STK32B: variants seen among roughly 807,000 people sequenced by gnomAD.
STK32B encodes serine/threonine-protein kinase 32B.
STK32B carries 43 observed loss-of-function variants against 52.6 expected under a neutral mutation model. The ratio of observed to expected loss-of-function variants is 0.82; its 90% CI spans 0.64 to 1.05. The LOEUF (loss-of-function observed/expected upper bound fraction) is 1.05. Among genes scored for constraint, STK32B ranks in the 50% least tolerant of loss-of-function variants. STK32B has a pLI of 0.00. For missense variants in STK32B, 621 were observed against 534.6 expected (o/e 1.16, Z -1.59); for synonymous variants, 238 against 204.3 (o/e 1.17, Z -1.41).
intron 6 of STK32B, among the ~76,000 whole-genome samples, chr4:5,445,306 G>A (rs1053806966): frequency 1.3e-5 from 2 of 152,168 alleles, no homozygotes; most frequent in Non-Finnish European, 1.5e-5. Flanking sequence ...TTTCCATGCC[G>A]AGTGAATGCC....
At chr4:5,345,740 T>G (rs1050368644) in intron 4 of STK32B, among the ~76,000 whole-genome samples, 1 of 152,216 alleles carries the variant, frequency 6.6e-6, no homozygotes, top group African/African-American at 2.4e-5. Context: ...TCTGATAACC[T>G]ATGGTAATCA....
At chr4:5,456,690 C>G (rs1197424890) in intron 7 of STK32B, 117 bp from the exon 8 acceptor site, 1 of 950,220 alleles carries the variant, frequency 1.1e-6, no homozygotes, top group East Asian at 2.8e-5. Flanking sequence ...AGAGAAGCAC[C>G]CACTGTTACT....
chr4:5,233,322 C>T (rs115348232), intron 3 of STK32B, among the ~76,000 whole-genome samples: 167 of 152,178 alleles, frequency 1.1e-3, no homozygotes, highest in African/African-American at 3.8e-3. Context: ...ATGGGATTGA[C>T]GTGTGCTGAG....
chr4:5,284,120 T>G (rs1311405719), intron 3 of STK32B, among the ~76,000 whole-genome samples: 1 of 152,136 alleles, frequency 6.6e-6, no homozygotes, highest in African/African-American at 2.4e-5. Flanking sequence ...ATGCATAAGT[T>G]TTTGTATGTG....
chr4:5,040,222 T>C, the STK32B span, among the ~76,000 whole-genome samples: 5 of 152,156 alleles, frequency 3.3e-5, no homozygotes, highest in African/African-American at 1.2e-4. Context: ...AGGTGTATGT[T>C]CTATTTGTAA....
At chr4:5,301,780 T>A (rs1267928005) in intron 3 of STK32B, among the ~76,000 whole-genome samples, 1 of 151,120 alleles carries the variant, frequency 6.6e-6, no homozygotes, top group African/African-American at 2.4e-5. Context: ...GTTTATCTTT[T>A]ATTTCATTGA....
intron 3 of STK32B, among the ~76,000 whole-genome samples, chr4:5,171,299 C>T (rs993399932): frequency 6.6e-6 from 1 of 152,008 alleles, no homozygotes; most frequent in African/African-American, 2.4e-5. Flanking sequence ...TGTGCAGAAG[C>T]TCTTTAGTTT....
intron 11 of STK32B, among the ~76,000 whole-genome samples, chr4:5,472,314 G>A (rs570409555): frequency 6.6e-6 from 1 of 152,356 alleles, no homozygotes; most frequent in East Asian, 1.9e-4. Flanking sequence ...GACAGGAGGA[G>A]GTGCCCTGGG....
At chr4:5,385,952 T>C (rs184929720) in intron 4 of STK32B, among the ~76,000 whole-genome samples, 1 of 12,722 alleles carries the variant, frequency 7.9e-5, no homozygotes, top group Admixed American at 9.4e-4. Context: ...CACTCACAGC[T>C]CCACCCACAG....
intron 4 of STK32B, among the ~76,000 whole-genome samples, chr4:5,356,085 C>G (rs1325090149): frequency 6.6e-6 from 1 of 152,156 alleles, no homozygotes; most frequent in East Asian, 1.9e-4. Flanking sequence ...CTGTGACCAC[C>G]TCCCTGGGCA....
rs146529464 is a variant in STK32B, at chr4:5,151,300, T to C, written c.108+11340T>C. 1.9e-3 allele frequency among the ~76,000 whole-genome samples: 295 copies of C among 152,304 alleles called. 1 individual carries two copies. Among genetic ancestry groups the C allele is most frequent in the Non-Finnish European group, 3.5e-3 (235 of 68,022 alleles). On this transcript the variant is annotated intron_variant, in intron 2 of 11. Coordinates refer to ENST00000282908, the MANE Select transcript of STK32B (RefSeq NM_018401.3). ...CCTTTCATAATAAATGCAGGTGAAG[T>C]CTACATGACTATTATTAAAGTTAAG...
intron 3 of STK32B, among the ~76,000 whole-genome samples, chr4:5,291,633 TTTTA>T (rs1220370387): frequency 3.3e-5 from 5 of 152,140 alleles, no homozygotes; most frequent in African/African-American, 9.7e-5. Context: ...TCTAGATGGC[TTTTA>T]TTTATTTCTC....
At chr4:5,098,877 A>G (rs1045344473) in intron 1 of STK32B, among the ~76,000 whole-genome samples, 10 of 152,346 alleles carry the variant, frequency 6.6e-5, no homozygotes, top group African/African-American at 2.4e-4. Flanking sequence ...TTCAGCATCT[A>G]TTGGAATATG....
chr4:5,320,868 T>C (rs1731440690), intron 3 of STK32B, among the ~76,000 whole-genome samples: 1 of 152,210 alleles, frequency 6.6e-6, no homozygotes, highest in South Asian at 2.1e-4. Context: ...TGCATTGTAA[T>C]TTTTCCCACT....
At chr4:5,260,873 C>T (rs1407599094) in intron 3 of STK32B, among the ~76,000 whole-genome samples, 1 of 152,130 alleles carries the variant, frequency 6.6e-6, no homozygotes, top group East Asian at 1.9e-4. Flanking sequence ...GAGGGAGTAG[C>T]TGGCCTTGGT....
intron 4 of STK32B, among the ~76,000 whole-genome samples, chr4:5,368,191 T>C (rs1317477907): frequency 6.6e-6 from 1 of 152,224 alleles, no homozygotes; most frequent in Non-Finnish European, 1.5e-5. Flanking sequence ...GTCCCAATAG[T>C]AATCACAATG....
rs956693362 is a variant in STK32B, at chr4:5,386,387, G to A, written c.435-11820G>A. Among the ~76,000 whole-genome samples, 7 of 152,276 alleles carry A rather than the reference G, an allele frequency of 4.6e-5. No homozygotes were observed. Among genetic ancestry groups the A allele is most frequent in the African/African-American group, 1.4e-4 (6 of 41,570 alleles). ...CAGGGTGGAAATGGTGGGCCAGAGG[G>A]AGGGGGAGTGGGAACCATGGTAGAA... is the stretch of plus-strand genomic sequence containing the variant. On this transcript the variant is annotated intron_variant, in intron 4 of 11. Coordinates refer to ENST00000282908, the MANE Select transcript of STK32B (RefSeq NM_018401.3). The surrounding 1 kb of genome is among the most constrained non-coding windows in gnomAD (Gnocchi z 4.5).
At chr4:5,392,557 C>G (rs1213631528) in intron 4 of STK32B, among the ~76,000 whole-genome samples, 1 of 151,856 alleles carries the variant, frequency 6.6e-6, no homozygotes, top group African/African-American at 2.4e-5. Context: ...TTCATTTCCC[C>G]ACCCACAGAG....
At chr4:5,020,938 A>G in the STK32B span, among the ~76,000 whole-genome samples, 1 of 152,234 alleles carries the variant, frequency 6.6e-6, no homozygotes, top group South Asian at 2.1e-4. Context: ...CTATGTCTGG[A>G]CTTTCCTGCC....
Sources: gnomAD v4.1 joint callset for allele counts (sites outside exome capture counted in the v4.1 genomes callset) on GRCh38, gnomAD v4.1.1 for gene constraint, Gnocchi (gnomAD v3.1) non-coding constraint, MANE v1.5 for transcripts, NCBI Gene and HGNC (gene_info 2026-07-23, HGNC 2026-07-21) for gene names.